The following ZNF449 variants were observed in gnomAD, a reference collection of about 807,000 sequenced individuals.
ZNF449 encodes the protein zinc finger protein 449.
ZNF449 carries 4 observed loss-of-function variants against 32.6 expected under a neutral mutation model. The observed-to-expected ratio is 0.12, with a 90% CI of 0.06 to 0.28. ZNF449 has a LOEUF of 0.28. Among genes scored for constraint, ZNF449 ranks in the 10% least tolerant of loss-of-function variants. ZNF449 has a pLI of 1.00. For synonymous variants in ZNF449, 123 were observed against 132.2 expected, an observed-to-expected ratio of 0.93 and a Z score of 0.48; for missense variants, 275 against 383.2, an observed-to-expected ratio of 0.72 and a Z score of 2.36.
chrX:135,355,189 A>AT (rs1337686798), intron 3 of ZNF449, among the ~76,000 whole-genome samples: 10 of 106,376 alleles, frequency 9.4e-5, no homozygotes, highest in African/African-American at 1.4e-4. Flanking sequence ...ACTTTTAAAA[A>AT]TTTTTTTTTT....
At chrX:135,348,700 C>T in intron 2 of ZNF449, 1 of 966,527 alleles carries the variant, frequency 1.0e-6, no homozygotes, top group Non-Finnish European at 1.3e-6. Flanking sequence ...CCCTTCCTTT[C>T]TCTGTCTCCT....
rs1201054564 is a variant in ZNF449 at position 135,360,412 on chromosome X, C to T, written c.893C>T (p.Thr298Ile). The T allele has an allele frequency of 8.3e-7, 1 of 1,211,014 alleles. No homozygotes were observed. Among genetic ancestry groups the T allele is most frequent in the Non-Finnish European group, 1.1e-6 (1 of 895,205 alleles). ...VDQQNPTLGE[T>I]PENSNLEEPL... ...CAGCAGAACCCCACTCTGGGAGAGACACCTGAGAACTCCAACTTGGAAGAA... is the reference window on the plus strand; with the variant it reads ...CAGCAGAACCCCACTCTGGGAGAGATACCTGAGAACTCCAACTTGGAAGAA... Residue 298 changes from threonine (T) to isoleucine (I), a missense_variant, in exon 5 of 5, where the codon ACA (threonine) becomes ATA (isoleucine). By Grantham distance (89) the Thr-to-Ile change is moderately conservative. Around this residue, in one of 3 missense-constraint regions of ZNF449, gnomAD observed 165 missense variants for 175.0 expected, o/e 0.94. Coordinates refer to ENST00000339249, the MANE Select transcript of ZNF449 (RefSeq NM_152695.6).
At chrX:135,352,923 C>T (rs1602686713) in intron 3 of ZNF449, among the ~76,000 whole-genome samples, 1 of 111,685 alleles carries the variant, frequency 9.0e-6, no homozygotes, top group Admixed American at 9.5e-5. Flanking sequence ...ATTGCTTTTC[C>T]CTCTTTGCAT....
chrX:135,352,826 G>A (rs908499581), intron 3 of ZNF449, among the ~76,000 whole-genome samples: 31 of 111,764 alleles, frequency 2.8e-4, no homozygotes, highest in Admixed American at 6.7e-4. Flanking sequence ...TTACGAGACA[G>A]TCTTTGCTAA....
At position 135,362,675 on chromosome X, in the gene ZNF449, T is replaced by C. The variant is rs1177324277; in HGVS notation, c.*1599T>C. Reference sequence around the variant, plus strand: ...AGTATATGTCTTTATTCCATTGAAGTTCTCGAGAGTGATATAAATACTTTG... The same window carrying C: ...AGTATATGTCTTTATTCCATTGAAGCTCTCGAGAGTGATATAAATACTTTG... On this transcript the variant is annotated 3_prime_UTR_variant, in exon 5 of 5. Coordinates refer to ENST00000339249, the MANE Select transcript of ZNF449 (RefSeq NM_152695.6). 8.9e-6 allele frequency: 1 copy of C among 112,249 alleles called. No homozygotes were observed. The highest frequency in any genetic ancestry group is 1.9e-5 in the Non-Finnish European group (1 of 53,191). 9.3% of individuals were successfully genotyped at this position (112,249 alleles called of 1,213,427 possible).
intron 3 of ZNF449, among the ~76,000 whole-genome samples, chrX:135,355,099 C>T (rs1482081294): frequency 5.5e-5 from 6 of 109,835 alleles, no homozygotes; most frequent in African/African-American, 2.0e-4. Flanking sequence ...TTGCTGCTCT[C>T]CCCAGTTTCA....
chrX:135,357,007 A>G (rs184927738), intron 3 of ZNF449, among the ~76,000 whole-genome samples: 4 of 111,345 alleles, frequency 3.6e-5, no homozygotes, highest in Admixed American at 9.6e-5. Context: ...ATGTTGTTCA[A>G]TGGTCAACTG....
intron 3 of ZNF449, among the ~76,000 whole-genome samples, chrX:135,351,262 G>C (rs190197689): frequency 4.5e-5 from 5 of 111,913 alleles, no homozygotes; most frequent in African/African-American, 1.6e-4. Flanking sequence ...TGTTGTTCTA[G>C]AGCAAGGGCA....
rs1556454867 is a variant in ZNF449, at chrX:135,363,001, T to A, written c.*1925T>A. ...ACATATAATATAGGAGGAGTCTGAA[T>A]GTAGAGATGAAAAATACAGAATGTA... On this transcript the variant is annotated 3_prime_UTR_variant, in exon 5 of 5. Coordinates refer to ENST00000339249, the MANE Select transcript of ZNF449 (RefSeq NM_152695.6). 1 of 112,226 alleles carries A rather than the reference T, an allele frequency of 8.9e-6. No individual in the cohort carries two copies. The highest frequency in any genetic ancestry group is 1.9e-5 in the Non-Finnish European group (1 of 53,214). The allele number at this position is 112,226 out of a possible 1,213,427, so 9.2% of individuals were successfully genotyped here.
Position 135,347,021 on chromosome X carries a change from G to A in ZNF449, c.-98G>A. 2 of 857,697 alleles carry A rather than the reference G, an allele frequency of 2.3e-6. No homozygotes were observed. Among genetic ancestry groups the A allele is most frequent in the Non-Finnish European group, 3.3e-6 (2 of 608,340 alleles). The allele number at this position is 857,697 out of a possible 1,213,427, so 70.7% of individuals were successfully genotyped here. A position where few individuals can be genotyped will look rare whatever the true frequency, so the allele number is the denominator to read the frequency against. ...TTCTCATTTTTTTCTGTCCTTAGCT[G>A]TAGGTGGCTCCCTCCCACCCCAACG... is the stretch of plus-strand genomic sequence containing the variant. On this transcript the variant is annotated splice_region_variant and 5_prime_UTR_variant, in exon 2 of 5. Coordinates refer to ENST00000339249, the MANE Select transcript of ZNF449 (RefSeq NM_152695.6).
rs782529268 is a variant in ZNF449 at position 135,352,982 on chromosome X, A to G, written c.559+3668A>G. Among the ~76,000 whole-genome samples, 41 of 111,975 alleles carry G rather than the reference A, an allele frequency of 3.7e-4. No homozygotes were observed. In the South Asian group the frequency reaches 0.015, roughly 40 times the overall value. ...AATTATCCCCGAAACTTAGCAGCTT[A>G]AAGGAAAAAGTATTTATCATGTTAC... On this transcript the variant is annotated intron_variant, in intron 3 of 4. Coordinates refer to ENST00000339249, the MANE Select transcript of ZNF449 (RefSeq NM_152695.6).
intron 1 of ZNF449, among the ~76,000 whole-genome samples, chrX:135,345,393 G>T (rs781995563): frequency 2.7e-5 from 3 of 111,739 alleles, no homozygotes; most frequent in Admixed American, 1.9e-4. Context: ...CAGCTGTGAG[G>T]CTGGCGCAGA....
rs2084828089 is a variant in ZNF449 at position 135,344,811 on chromosome X, T to C, written c.-125T>C. The C allele has an allele frequency of 8.8e-6, 1 of 113,191 alleles. No homozygotes were observed. Among genetic ancestry groups the C allele is most frequent in the Non-Finnish European group, 1.9e-5 (1 of 53,278 alleles). 9.3% of individuals were successfully genotyped at this position (113,191 alleles called of 1,213,427 possible). A position where few individuals can be genotyped will look rare whatever the true frequency, so the allele number is the denominator to read the frequency against. On this transcript the variant is annotated 5_prime_UTR_variant, in exon 1 of 5. Transcript: ENST00000339249. Reference sequence around the variant, plus strand: ...CGCCCTGGGCAGTTGCCGGTGAGCTTGGGAGAACCGTGGGCGCTGAGGCGG... The same window carrying C: ...CGCCCTGGGCAGTTGCCGGTGAGCTCGGGAGAACCGTGGGCGCTGAGGCGG...
rs1197921102 is a variant in ZNF449, at chrX:135,361,633, TTA to T, written c.*559_*560del. 3.6e-5 allele frequency: 4 copies of T among 111,521 alleles called. No homozygotes were observed. Among genetic ancestry groups the T allele is most frequent in the Non-Finnish European group, 1.9e-5 (1 of 52,940 alleles). 9.2% of individuals were successfully genotyped at this position (111,521 alleles called of 1,213,427 possible). A position where few individuals can be genotyped will look rare whatever the true frequency, so the allele number is the denominator to read the frequency against. On this transcript the variant is annotated 3_prime_UTR_variant, in exon 5 of 5. Coordinates refer to ENST00000339249, the MANE Select transcript of ZNF449 (RefSeq NM_152695.6). Reference sequence around the variant, plus strand: ...ACTGGGTTATTTCCACTGAAATTTGTTATGTTTAAGGAAATTAAGATTTTAAG... The same window carrying T: ...ACTGGGTTATTTCCACTGAAATTTGTTGTTTAAGGAAATTAAGATTTTAAG...
In ZNF449 at chrX:135,360,469, G is replaced by A. The variant is rs1038724542; in HGVS notation, c.950G>A (p.Ser317Asn). 8.3e-7 allele frequency: 1 copy of A among 1,211,518 alleles called. No homozygotes were observed. The highest frequency in any genetic ancestry group is 2.2e-5 in the Admixed American group (1 of 45,984). The change falls in exon 5 of 5, where the codon AGT (serine) becomes AAT (asparagine). Residue 317 changes from serine (S) to asparagine (N), a missense_variant. Coordinates refer to ENST00000339249, the MANE Select transcript of ZNF449 (RefSeq NM_152695.6). ...AACCCTAAACCCCACAAGAAAAAGA[G>A]TCCAGGAGAGAAACCTCACCGATGT... ...PLNPKPHKKKSPGEKPHRCPQ... is the reference protein window; with the variant it reads ...PLNPKPHKKKNPGEKPHRCPQ...
Position 135,348,567 on chromosome X carries a change from G to A in ZNF449, c.355-543G>A, listed in dbSNP as rs909087513. ...GAAAAGGGAGCAGGAGCTTCCAGAT[G>A]GGCATCAGGGATACTCCAGTCTTGT... On this transcript the variant is annotated intron_variant, in intron 2 of 4. Coordinates refer to ENST00000339249, the MANE Select transcript of ZNF449 (RefSeq NM_152695.6). The A allele has an allele frequency of 6.0e-5, 11 of 183,703 alleles. 1 individual carries two copies. The highest frequency in any genetic ancestry group is 1.0e-4 in the Non-Finnish European group (10 of 95,875). 15.1% of individuals were successfully genotyped at this position (183,703 alleles called of 1,213,427 possible). A position where few individuals can be genotyped will look rare whatever the true frequency, so the allele number is the denominator to read the frequency against.
chrX:135,349,064 A>C (rs373387956), intron 2 of ZNF449, 46 bp from the exon 3 acceptor site: 1 of 1,170,817 alleles, frequency 8.5e-7, no homozygotes, highest in Non-Finnish European at 1.2e-6. Flanking sequence ...TCTACTGGGC[A>C]CTGTTGGTCT....
At chrX:135,344,998 A>G (rs1439770665) in intron 1 of ZNF449, among the ~76,000 whole-genome samples, 163 bp downstream of exon 1, 1 of 112,549 alleles carries the variant, frequency 8.9e-6, no homozygotes, top group African/African-American at 3.2e-5. Context: ...CTATCCGGCC[A>G]GGGTCCCCGC....
intron 3 of ZNF449, among the ~76,000 whole-genome samples, chrX:135,352,519 T>C (rs1310940392): frequency 9.8e-5 from 11 of 112,107 alleles, no homozygotes; most frequent in Non-Finnish European, 2.1e-4. Context: ...TCAAAATTCG[T>C]ACACCAAAAC....
Sources: gnomAD v4.1 joint callset for allele counts (sites outside exome capture counted in the v4.1 genomes callset) on GRCh38, gnomAD v4.1.1 for gene constraint, gnomAD v4.1.1 regional missense constraint, MANE v1.5 for transcripts, NCBI Gene and HGNC (gene_info 2026-07-23, HGNC 2026-07-21) for gene names.